FANCI: variants seen among roughly 807,000 people sequenced by gnomAD.
The protein encoded by FANCI is Fanconi anemia group I protein.
FANCI carries 156 observed loss-of-function variants against 176.1 expected under a neutral mutation model. The observed-to-expected ratio is 0.89, with a 90% CI of 0.78 to 1.01. FANCI has a LOEUF of 1.01. FANCI is among the 50% of genes least tolerant of loss of function. The probability of loss-of-function intolerance (pLI) is 0.00; values close to 1 mark genes in which losing one functional copy is unlikely to be tolerated. For missense variants in FANCI, 1,678 were observed against 1,534.1 expected (o/e 1.09, Z -1.57); for synonymous variants, 613 against 541.7 (o/e 1.13, Z -1.83).
chr15:89,281,769 T>G lies in FANCI; in HGVS notation c.1517T>G (p.Leu506Arg), dbSNP rs2151558457. ...TACCCACTGATTCTTTTTCAGCCCC[T>G]TCTCAAAGTCAGCATGTCAATGAGA... ...VQRLLKAVQPLLKVSMSMRDC... is the reference protein window; with the variant it reads ...VQRLLKAVQPRLKVSMSMRDC... Residue 506 changes from leucine to arginine, a missense_variant, in exon 16 of 38, where the codon CTT (leucine) becomes CGT (arginine). Physicochemically the swap from Leu to Arg is moderately radical, Grantham distance 102. Around this residue, in one of 3 missense-constraint regions of FANCI, gnomAD observed 1,204 missense variants for 1,077.4 expected, o/e 1.12. Coordinates refer to ENST00000310775, the MANE Select transcript of FANCI (RefSeq NM_001113378.2). 2 of 1,613,928 alleles carry G rather than the reference T, an allele frequency of 1.2e-6. No homozygotes were observed. The highest frequency in any genetic ancestry group is 1.7e-4 in the Middle Eastern group (1 of 6,058).
At chr15:89,301,672 T>C (rs1207111945) in intron 27 of FANCI, among the ~76,000 whole-genome samples, 1 of 152,206 alleles carries the variant, frequency 6.6e-6, no homozygotes, top group Non-Finnish European at 1.5e-5. Flanking sequence ...ATACTGCTTT[T>C]GTTTTGTTTG....
Position 89,295,102 on chromosome 15 carries a change from A to G in FANCI, c.2636+8A>G. The G allele has an allele frequency of 6.5e-7, 1 of 1,550,278 alleles. No homozygotes were observed. Among genetic ancestry groups the G allele is most frequent in the Non-Finnish European group, 8.7e-7 (1 of 1,146,648 alleles). On this transcript the variant is annotated splice_region_variant and intron_variant, in intron 24 of 37. Coordinates refer to ENST00000310775, the MANE Select transcript of FANCI (RefSeq NM_001113378.2). ...CCTCTGTGACATAACTCGGTAAGCC[A>G]CTCCCACCCCTTAGAAACTTATTCC...
rs140965103 is a variant in FANCI, at chr15:89,291,622, T to A, written c.1900T>A (p.Phe634Ile). Residue 634 changes from phenylalanine to isoleucine, a missense_variant, in exon 20 of 38, where the codon TTC becomes ATC. Phe to Ile is a conservative substitution (Grantham distance 21). Transcript: ENST00000310775. ...TTCTTACTATACACAGTTAAAACAG[T>A]TCTATGAGCCAAAACCTGATCTGCT... ...MQTLLSQLKQ[F>I]YEPKPDLLPP... 3.3e-5 allele frequency: 54 copies of A among 1,613,452 alleles called. No individual in the cohort carries two copies. The highest frequency in any genetic ancestry group is 8.0e-5 in the African/African-American group (6 of 74,906).
rs1009203844 is a variant in FANCI, at chr15:89,264,093, C to T, written c.669+67C>T. The T allele has an allele frequency of 7.0e-6, 11 of 1,578,224 alleles. No homozygotes were observed. The African/African-American group carries it at 1.3e-4, about 19-fold the overall frequency. ...ACCAGTTATGACCATTCAACTTATTCATACCCTTGGTTTATATAGCAGAGC... is the reference window on the plus strand; with the variant it reads ...ACCAGTTATGACCATTCAACTTATTTATACCCTTGGTTTATATAGCAGAGC... On this transcript the variant is annotated intron_variant, in intron 8 of 37. Transcript: ENST00000310775.
At chr15:89,273,511 T>TAAAA (rs34985075) in intron 11 of FANCI, 42 bp downstream of exon 11, 134 of 476,666 alleles carry the variant, frequency 2.8e-4, no homozygotes, top group African/African-American at 2.0e-3. Context: ...CTGTAGTTGG[T>TAAAA]AAAAAAAAAA....
In FANCI at chr15:89,292,805, G is replaced by T. The variant is rs1402404610; in HGVS notation, c.2110G>T (p.Asp704Tyr). ...AGAGGCATTCTACGAAGACCTAGAT[G>T]ATATATTGGAGTCCATTACTAATAG... ...EEEAFYEDLD[D>Y]ILESITNRMI... The change falls in exon 21 of 38, where the codon GAT becomes TAT. Residue 704 changes from aspartate to tyrosine, a missense_variant. Physicochemically the swap from Asp to Tyr is radical, Grantham distance 160 (BLOSUM62 -3). This residue lies in a region of FANCI where 1,204 missense variants were observed against 1,077.4 expected (regional missense o/e 1.12). Coordinates refer to ENST00000310775, the MANE Select transcript of FANCI (RefSeq NM_001113378.2). The T allele has an allele frequency of 6.2e-6, 10 of 1,613,984 alleles. No individual in the cohort carries two copies. The highest frequency in any genetic ancestry group is 7.6e-6 in the Non-Finnish European group (9 of 1,180,002).
chr15:89,309,937 G>A (rs906103415), intron 34 of FANCI, among the ~76,000 whole-genome samples: 3 of 152,198 alleles, frequency 2.0e-5, no homozygotes, highest in African/African-American at 7.2e-5. Context: ...AACAGGTAAT[G>A]CTTAGAGAAC....
chr15:89,277,809 T>A (rs570712700), intron 13 of FANCI, among the ~76,000 whole-genome samples: 1 of 152,200 alleles, frequency 6.6e-6, no homozygotes, highest in African/African-American at 2.4e-5. Context: ...TAAACAACTT[T>A]TCTAGTAATT....
intron 17 of FANCI, among the ~76,000 whole-genome samples, chr15:89,283,985 T>A (rs2053722071): frequency 6.6e-6 from 1 of 152,008 alleles, no homozygotes; most frequent in African/African-American, 2.4e-5. Flanking sequence ...GAGGTCTCGA[T>A]CTCCTGACCT....
In FANCI at chr15:89,305,651, G is replaced by A; in HGVS notation, c.3302G>A (p.Trp1101Ter). ...GAGAAGGTTCTAGAAGAAGTGGACT[G>A]GCTAATCACCAAGCTTAAGGGACAA... ...QAEKVLEEVD[W>*]LITKLKGQVS... is the part of the protein sequence containing the mutation. Residue 1101 changes from tryptophan to a stop codon, truncating the protein, a stop_gained, in exon 31 of 38, where the codon TGG becomes TAG. Coordinates refer to ENST00000310775, the MANE Select transcript of FANCI (RefSeq NM_001113378.2). LOFTEE classifies it high-confidence loss of function. 6.2e-7 allele frequency: 1 copy of A among 1,614,140 alleles called. No individual in the cohort carries two copies.
chr15:89,264,052 T>C (rs769002011), intron 8 of FANCI, 26 bp downstream of exon 8: 11 of 1,613,666 alleles, frequency 6.8e-6, no homozygotes, highest in Middle Eastern at 1.6e-4. Flanking sequence ...TGTTTCTCCT[T>C]AGTTCTGGTG....
At chr15:89,301,183 A>G (rs2054512611) in intron 26 of FANCI, 143 bp from the exon 27 acceptor site, 2 of 732,092 alleles carry the variant, frequency 2.7e-6, no homozygotes, top group Non-Finnish European at 5.0e-6. Context: ...ATTCAGGTGT[A>G]TTTTCAGATT....
Position 89,301,430 on chromosome 15 carries a change from C to A in FANCI, c.2994C>A (p.Pro998=). ...VLTSLSKLLE[P]SSPQFVQMLS... ...CCAGTTTGTCCAAGTTACTGGAGCC[C>A]TCCTCTCCTCAGGTACTAGTACCGC... Residue 998 remains proline, a synonymous_variant, in exon 27 of 38, where the codon CCC becomes CCA. Coordinates refer to ENST00000310775, the MANE Select transcript of FANCI (RefSeq NM_001113378.2). 1 of 1,611,546 alleles carries A rather than the reference C, an allele frequency of 6.2e-7. No individual in the cohort carries two copies. The highest frequency in any genetic ancestry group is 8.5e-7 in the Non-Finnish European group (1 of 1,177,630).
intron 10 of FANCI, among the ~76,000 whole-genome samples, chr15:89,269,557 C>T (rs1311014340): frequency 1.3e-5 from 2 of 152,158 alleles, no homozygotes; most frequent in South Asian, 4.1e-4. Context: ...TGTTTCCTCA[C>T]GATTGGGTTC....
At chr15:89,293,110 T>G in intron 22 of FANCI, 47 bp downstream of exon 22, 1 of 1,597,440 alleles carries the variant, frequency 6.3e-7, no homozygotes, top group Non-Finnish European at 8.6e-7. Flanking sequence ...AATTCTCCAT[T>G]TTATTTACAT....
At chr15:89,273,561 C>A in intron 11 of FANCI, 92 bp downstream of exon 11, 2 of 816,136 alleles carry the variant, frequency 2.5e-6, no homozygotes, top group African/African-American at 1.8e-5. Context: ...TTTGTTGTAT[C>A]CGTTCCTAAA....
At chr15:89,262,172 A>G (rs570731414) in intron 6 of FANCI, among the ~76,000 whole-genome samples, 137 of 152,304 alleles carry the variant, frequency 9.0e-4, no homozygotes, top group African/African-American at 2.1e-3. Context: ...TAATGCTCCA[A>G]TCTAAGCATT....
At chr15:89,292,542 T>C in intron 20 of FANCI, 146 bp from the exon 21 acceptor site, 1 of 831,484 alleles carries the variant, frequency 1.2e-6, no homozygotes, top group Non-Finnish European at 1.9e-6. Context: ...TTTCCCAGTT[T>C]TGTTAATTTA....
rs1037059235 is a variant in FANCI at position 89,255,228 on chromosome 15, G to T, written c.85-3476G>T. Among the ~76,000 whole-genome samples, 3 of 152,170 alleles carry T rather than the reference G, an allele frequency of 2.0e-5. No individual in the cohort carries two copies. The East Asian group carries it at 5.8e-4, about 29-fold the overall frequency. On this transcript the variant is annotated intron_variant, in intron 2 of 37. Transcript: ENST00000310775. ...TAGGGCCTGTTTGGTGGTGTCTCAT[G>T]ATTGGACCAATGTCTTGTATCCCTG... is the stretch of plus-strand genomic sequence containing the variant.
Sources: allele counts gnomAD v4.1 joint callset (sites outside exome capture counted in the v4.1 genomes callset), GRCh38; gene constraint gnomAD v4.1.1; regional missense constraint gnomAD v4.1.1; transcripts MANE v1.5; gene names NCBI Gene and HGNC (gene_info 2026-07-23, HGNC 2026-07-21).